LRFN5: variants seen among roughly 807,000 people sequenced by gnomAD.
LRFN5 encodes leucine rich repeat and fibronectin type III domain containing 5, also known as leucine-rich repeat and fibronectin type-III domain-containing protein 5.
Under a neutral mutation model 45.6 loss-of-function variants are expected in LRFN5, and 24 were observed. The ratio of observed to expected loss-of-function variants is 0.53; its 90% CI spans 0.38 to 0.74. The LOEUF is 0.74. LRFN5 is among the 30% of genes least tolerant of loss of function. The probability of loss-of-function intolerance (pLI) is 0.00; values close to 1 mark genes in which losing one functional copy is unlikely to be tolerated. For missense variants in LRFN5, 776 were observed against 861.5 expected (o/e 0.90, Z 1.24); for synonymous variants, 340 against 313.8 (o/e 1.08, Z -0.88).
intron 1 of LRFN5, among the ~76,000 whole-genome samples, chr14:41,745,280 TAACAC>T (rs1315036248): frequency 1.3e-5 from 2 of 152,010 alleles, no homozygotes; most frequent in African/African-American, 4.8e-5. Context: ...GGAAATTAAA[TAACAC>T]AAATGGGTCA....
At chr14:41,858,518 A>T (rs565491871) in intron 2 of LRFN5, among the ~76,000 whole-genome samples, 10 of 151,614 alleles carry the variant, frequency 6.6e-5, no homozygotes, top group South Asian at 2.1e-4. Context: ...TTTCCGCCAT[A>T]GGCTTATTTT....
intron 1 of LRFN5, among the ~76,000 whole-genome samples, chr14:41,743,227 C>T (rs1469821884): frequency 2.0e-5 from 3 of 152,156 alleles, no homozygotes; most frequent in African/African-American, 7.2e-5. Context: ...GTAGCCATTC[C>T]TGGTCACAGA....
At chr14:41,873,000 A>G (rs903248400) in intron 2 of LRFN5, among the ~76,000 whole-genome samples, 3 of 152,182 alleles carry the variant, frequency 2.0e-5, no homozygotes, top group Admixed American at 6.5e-5. Context: ...AAACATTTCA[A>G]TGGCTTGATT....
intron 1 of LRFN5, among the ~76,000 whole-genome samples, chr14:41,663,760 A>C (rs768829465): frequency 2.0e-5 from 3 of 152,080 alleles, no homozygotes; most frequent in Admixed American, 6.6e-5. Flanking sequence ...TGGTCTCACA[A>C]AGGGGAACAC....
At chr14:41,806,932 C>T (rs1007964596) in intron 2 of LRFN5, among the ~76,000 whole-genome samples, 4 of 152,034 alleles carry the variant, frequency 2.6e-5, no homozygotes, top group African/African-American at 9.7e-5. Context: ...AAGCCCTACC[C>T]CTAAACTACT....
chr14:41,857,937 T>C (rs1003986222), intron 2 of LRFN5, among the ~76,000 whole-genome samples: 1 of 152,258 alleles, frequency 6.6e-6, no homozygotes, highest in African/African-American at 2.4e-5. Context: ...TGGGCAAAGA[T>C]TAAGCAGGCC....
At position 41,891,652 on chromosome 14, in the gene LRFN5, C is replaced by T. The variant is rs770209727; in HGVS notation, c.1788C>T (p.His596=). The change falls in exon 4 of 6, where the codon CAC becomes CAT. Residue 596 remains histidine, a synonymous_variant. Transcript: ENST00000298119. ...PQSVSKQAVG[H]EENAQCCKAT... Reference sequence around the variant, plus strand: ...CCGTGTCCAAACAAGCTGTGGGACACGAAGAGAATGCCCAGTGTTGTAAAG... The same window carrying T: ...CCGTGTCCAAACAAGCTGTGGGACATGAAGAGAATGCCCAGTGTTGTAAAG... 3.7e-6 allele frequency: 6 copies of T among 1,614,014 alleles called. No homozygotes were observed. The highest frequency in any genetic ancestry group is 1.3e-5 in the African/African-American group (1 of 74,892).
intron 2 of LRFN5, among the ~76,000 whole-genome samples, chr14:41,875,017 A>G (rs1336167843): frequency 2.0e-5 from 3 of 152,212 alleles, no homozygotes; most frequent in African/African-American, 4.8e-5. Context: ...GGTCCCTCCC[A>G]TGACACATAG....
At chr14:41,882,846 C>CT (rs71105409) in intron 2 of LRFN5, among the ~76,000 whole-genome samples, 32,117 of 107,252 alleles carry the variant, frequency 0.3, 5,937 homozygotes, top group East Asian at 0.57. Flanking sequence ...TGTATTTCCT[C>CT]TTTTTTTTTT....
At chr14:41,724,133 G>C (rs935358727) in intron 1 of LRFN5, among the ~76,000 whole-genome samples, 15 of 152,110 alleles carry the variant, frequency 9.9e-5, no homozygotes, top group African/African-American at 3.4e-4. Flanking sequence ...CTGTCATGGG[G>C]TCTGTCTACC....
intron 1 of LRFN5, among the ~76,000 whole-genome samples, chr14:41,615,963 A>T (rs1887914287): frequency 6.6e-6 from 1 of 152,060 alleles, no homozygotes; most frequent in African/African-American, 2.4e-5. Context: ...ACACACTTTA[A>T]GTTTACCTCT....
intron 1 of LRFN5, among the ~76,000 whole-genome samples, chr14:41,723,490 A>G (rs1394089331): frequency 6.6e-6 from 1 of 152,132 alleles, no homozygotes; most frequent in Non-Finnish European, 1.5e-5. Context: ...AGGATGGGAC[A>G]GCTCAGGCTG....
chr14:41,666,801 G>C (rs1230801314), intron 1 of LRFN5, among the ~76,000 whole-genome samples: 1 of 152,110 alleles, frequency 6.6e-6, no homozygotes, highest in Non-Finnish European at 1.5e-5. Context: ...ACAGAAAAGA[G>C]AGATGAGAAG....
chr14:41,734,024 C>CTTT (rs1241948731), intron 1 of LRFN5, among the ~76,000 whole-genome samples: 2,538 of 114,648 alleles, frequency 0.022, 76 homozygotes, highest in African/African-American at 0.095. Context: ...CTTTTCTTTT[C>CTTT]TTTTCTTTTT....
At position 41,884,911 on chromosome 14, in the gene LRFN5, A is replaced by G. The variant is rs578199147; in HGVS notation, c.-20-1695A>G. 1.1e-3 allele frequency among the ~76,000 whole-genome samples: 161 copies of G among 152,308 alleles called. 3 individuals carry two copies. Among genetic ancestry groups the G allele is most frequent in the South Asian group, 7.5e-3 (36 of 4,826 alleles). ...CTATCAGGGGCTTTTACCCTACAAA[A>G]GGCATTAAATAATTAAAAGTCATAA... On this transcript the variant is annotated intron_variant, in intron 2 of 5. Coordinates refer to ENST00000298119, the MANE Select transcript of LRFN5 (RefSeq NM_152447.5).
At position 41,611,034 on chromosome 14, in the gene LRFN5, C is replaced by G. The variant is rs1321464925; in HGVS notation, c.-197+2472C>G. Among the ~76,000 whole-genome samples, 3 of 152,148 alleles carry G rather than the reference C, an allele frequency of 2.0e-5. No individual in the cohort carries two copies. The East Asian group carries it at 5.8e-4, about 29-fold the overall frequency. On this transcript the variant is annotated intron_variant, in intron 1 of 5. Transcript: ENST00000298119. ...CTTGGAAAATAAGGTGTTTTCATCACCTCCCACCTATTTCACTTTCTTCTG... is the reference window on the plus strand; with the variant it reads ...CTTGGAAAATAAGGTGTTTTCATCAGCTCCCACCTATTTCACTTTCTTCTG...
At chr14:41,853,003 A>G (rs1030309551) in intron 2 of LRFN5, among the ~76,000 whole-genome samples, 3 of 151,986 alleles carry the variant, frequency 2.0e-5, no homozygotes, top group African/African-American at 7.2e-5. Context: ...TGTATCTCTT[A>G]TCTACAGACA....
intron 1 of LRFN5, among the ~76,000 whole-genome samples, chr14:41,732,301 T>A (rs988954201): frequency 1.3e-5 from 2 of 152,198 alleles, no homozygotes; most frequent in Non-Finnish European, 2.9e-5. Flanking sequence ...TGGCCGTTAT[T>A]GTTTCACCAA....
At chr14:41,872,589 C>T (rs977264155) in intron 2 of LRFN5, among the ~76,000 whole-genome samples, 2 of 152,156 alleles carry the variant, frequency 1.3e-5, no homozygotes, top group Admixed American at 1.3e-4. Context: ...TCAAGATTAC[C>T]TTAATGTCCC....
Sources: gnomAD v4.1 joint callset for allele counts (sites outside exome capture counted in the v4.1 genomes callset) on GRCh38, gnomAD v4.1.1 for gene constraint, MANE v1.5 for transcripts, NCBI Gene and HGNC (gene_info 2026-07-23, HGNC 2026-07-21) for gene names.